Variants in ASXL3 observed in about 807,000 individuals in gnomAD.
The protein encoded by ASXL3 is putative Polycomb group protein ASXL3.
ASXL3 carries 34 observed loss-of-function variants against 170.6 expected under a neutral mutation model. That is an observed-to-expected ratio of 0.20 (90% CI 0.15 to 0.27). ASXL3 has a LOEUF of 0.27. Ranked by LOEUF, ASXL3 falls within the 10% of genes least tolerant of loss-of-function variation. The pLI is 1.00. For missense variants in ASXL3, 2,592 were observed against 2,695.3 expected, an observed-to-expected ratio of 0.96 and a Z score of 0.85; for synonymous variants, 1,002 against 989.1, an observed-to-expected ratio of 1.01 and a Z score of -0.24.
At position 33,739,294 on chromosome 18, in the gene ASXL3, G is replaced by A. The variant is rs372179902; in HGVS notation, c.1890G>A (p.Gly630=). 121 of 1,613,526 alleles carry A rather than the reference G, an allele frequency of 7.5e-5. No individual in the cohort carries two copies. The African/African-American group carries it at 1.3e-3, about 17-fold the overall frequency. The change falls in exon 11 of 12, where the codon GGG becomes GGA. Residue 630 remains glycine (G), a synonymous_variant. Transcript: ENST00000269197. Reference sequence around the variant, plus strand: ...GTACCAGCCTGCCTTCTCCAGGAGGGGAAACACAGTCCACATCAGAAGAAT... The same window carrying A: ...GTACCAGCCTGCCTTCTCCAGGAGGAGAAACACAGTCCACATCAGAAGAAT... ...GACTSLPSPG[G]ETQSTSEESC... is the part of the protein sequence containing the mutation.
Position 33,739,462 on chromosome 18 carries a change from A to G in ASXL3, c.2058A>G (p.Ser686=). ...LMSEISPIST[S]PEISEASLMS... ...CAGAAATATCTCCAATATCCACTTC[A>G]CCTGAAATATCAGAAGCATCTCTTA... is the stretch of plus-strand genomic sequence containing the variant. The change falls in exon 11 of 12, where the codon TCA becomes TCG. Residue 686 remains serine, a synonymous_variant. Transcript: ENST00000269197. 1.2e-6 allele frequency: 2 copies of G among 1,613,944 alleles called. No individual in the cohort carries two copies. The highest frequency in any genetic ancestry group is 8.5e-7 in the Non-Finnish European group (1 of 1,179,884).
At chr18:33,648,767 A>C (rs2065953682) in intron 4 of ASXL3, among the ~76,000 whole-genome samples, 1 of 152,114 alleles carries the variant, frequency 6.6e-6, no homozygotes, top group Admixed American at 6.6e-5. Flanking sequence ...TATAGAAAAC[A>C]GTGAGACTGA....
At chr18:33,673,820 T>C (rs2066385778) in intron 7 of ASXL3, among the ~76,000 whole-genome samples, 1 of 152,196 alleles carries the variant, frequency 6.6e-6, no homozygotes, top group African/African-American at 2.4e-5. Context: ...ATACCTTATG[T>C]GTTAAATATC....
chr18:33,666,358 A>T (rs1269960424), intron 5 of ASXL3, among the ~76,000 whole-genome samples: 1 of 152,168 alleles, frequency 6.6e-6, no homozygotes, highest in Non-Finnish European at 1.5e-5. Context: ...ATTATAGACA[A>T]ACCAACAGGG....
intron 9 of ASXL3, among the ~76,000 whole-genome samples, chr18:33,732,767 G>T (rs1200976388): frequency 6.6e-6 from 1 of 151,478 alleles, no homozygotes; most frequent in Non-Finnish European, 1.5e-5. Context: ...AAAGTGGATG[G>T]ATCACCGGGG....
intron 11 of ASXL3, among the ~76,000 whole-genome samples, chr18:33,742,378 A>G (rs533646770): frequency 2.9e-4 from 44 of 152,332 alleles, no homozygotes; most frequent in Non-Finnish European, 5.4e-4. Flanking sequence ...GAGGTACACA[A>G]TGATTAGCCT....
chr18:33,701,490 G>C (rs891069650), intron 8 of ASXL3, among the ~76,000 whole-genome samples: 1 of 152,006 alleles, frequency 6.6e-6, no homozygotes, highest in African/African-American at 2.4e-5. Flanking sequence ...AGTTTTCAGA[G>C]TATAAGTGTT....
At chr18:33,644,775 G>T (rs2065894711) in intron 2 of ASXL3, 119 bp from the exon 3 acceptor site, 1 of 547,036 alleles carries the variant, frequency 1.8e-6, no homozygotes, top group South Asian at 3.7e-5. Context: ...ATGCAAAGAG[G>T]TCTTTTTTTA....
intron 1 of ASXL3, among the ~76,000 whole-genome samples, chr18:33,585,666 G>A (rs2065028842): frequency 6.6e-6 from 1 of 152,208 alleles, no homozygotes; most frequent in Admixed American, 6.5e-5. Context: ...CAAAGGGCTT[G>A]TCAGAACATT....
In ASXL3 at chr18:33,745,612, G is replaced by T. The variant is rs1434150046; in HGVS notation, c.5764G>T (p.Asp1922Tyr). 1 of 1,613,838 alleles carries T rather than the reference G, an allele frequency of 6.2e-7. No individual in the cohort carries two copies. The highest frequency in any genetic ancestry group is 1.3e-5 in the African/African-American group (1 of 74,922). Residue 1922 changes from aspartate to tyrosine, a missense_variant, in exon 12 of 12, where the codon GAC becomes TAC. This residue lies in a region of ASXL3 where 2,246 missense variants were observed against 2,219.6 expected (regional missense o/e 1.01). Transcript: ENST00000269197. ...TGACAAGAATGGCGGCTTCCACACTGACGCTGGTACCTCACACAGACAGCA... is the reference window on the plus strand; with the variant it reads ...TGACAAGAATGGCGGCTTCCACACTTACGCTGGTACCTCACACAGACAGCA... ...HVDKNGGFHT[D>Y]AGTSHRQQFY...
chr18:33,632,668 G>GT (rs754889756), intron 2 of ASXL3, among the ~76,000 whole-genome samples: 17 of 152,068 alleles, frequency 1.1e-4, no homozygotes, highest in African/African-American at 3.9e-4. Flanking sequence ...GTTTTGTTTT[G>GT]TTTTTTGTCT....
At chr18:33,597,502 T>A (rs186371301) in intron 1 of ASXL3, among the ~76,000 whole-genome samples, 17 of 152,296 alleles carry the variant, frequency 1.1e-4, no homozygotes, top group Non-Finnish European at 2.1e-4. Context: ...TAATCTCATA[T>A]AATGCTTCAT....
intron 8 of ASXL3, among the ~76,000 whole-genome samples, chr18:33,696,329 G>A (rs1035846897): frequency 2.6e-5 from 4 of 152,120 alleles, no homozygotes; most frequent in East Asian, 1.9e-4. Context: ...GTGTAATGAC[G>A]TTTGAACTTC....
chr18:33,707,851 T>G (rs2066988969), intron 8 of ASXL3, among the ~76,000 whole-genome samples: 1 of 152,088 alleles, frequency 6.6e-6, no homozygotes, highest in South Asian at 2.1e-4. Context: ...CTTCCATTCC[T>G]TGTTTTCTCA....
chr18:33,739,432 G>C lies in ASXL3; in HGVS notation c.2028G>C (p.Leu676Phe). The C allele has an allele frequency of 3.1e-6, 5 of 1,613,840 alleles. No homozygotes were observed. The highest frequency in any genetic ancestry group is 3.4e-6 in the Non-Finnish European group (4 of 1,179,860). Residue 676 changes from leucine to phenylalanine, a missense_variant, in exon 11 of 12, where the codon TTG (leucine) becomes TTC (phenylalanine). Physicochemically the swap from Leu to Phe is conservative, Grantham distance 22. Coordinates refer to ENST00000269197, the MANE Select transcript of ASXL3 (RefSeq NM_030632.3). ...NSTDENFHAS[L>F]MSEISPISTS... is the part of the protein sequence containing the mutation. The stretch of plus-strand genomic sequence containing the variant: ...CTGATGAAAACTTTCATGCATCTTT[G>C]ATGTCAGAAATATCTCCAATATCCA...
chr18:33,731,912 C>T (rs2067455137), intron 8 of ASXL3, 56 bp from the exon 9 acceptor site: 1 of 1,474,190 alleles, frequency 6.8e-7, no homozygotes, highest in Non-Finnish European at 9.4e-7. Context: ...TTCCTGCATA[C>T]TTTTGCTTTG....
At chr18:33,612,198 T>C (rs1197583134) in intron 2 of ASXL3, among the ~76,000 whole-genome samples, 47 of 152,004 alleles carry the variant, frequency 3.1e-4, no homozygotes, top group Non-Finnish European at 1.8e-4. Context: ...TATATATATA[T>C]ACACAAACCA....
intron 2 of ASXL3, among the ~76,000 whole-genome samples, chr18:33,610,457 T>C (rs2065318870): frequency 6.6e-6 from 1 of 152,018 alleles, no homozygotes; most frequent in South Asian, 2.1e-4. Flanking sequence ...TTCTAGACAG[T>C]AGAAGATAAG....
At chr18:33,629,082 A>G (rs576894432) in intron 2 of ASXL3, among the ~76,000 whole-genome samples, 2 of 152,188 alleles carry the variant, frequency 1.3e-5, no homozygotes, top group East Asian at 1.9e-4. Flanking sequence ...TGTTACTAGT[A>G]CCTTAGAAAA....
Sources: gnomAD v4.1 joint callset for allele counts (sites outside exome capture counted in the v4.1 genomes callset) on GRCh38, gnomAD v4.1.1 for gene constraint, gnomAD v4.1.1 regional missense constraint, MANE v1.5 for transcripts, NCBI Gene and HGNC (gene_info 2026-07-23, HGNC 2026-07-21) for gene names.